The following PRUNE2 variants were observed in gnomAD, a reference collection of about 807,000 sequenced individuals.
PRUNE2 encodes prune homolog 2 with BCH domain, also known as protein prune homolog 2.
PRUNE2 carries 164 observed loss-of-function variants against 252.0 expected under a neutral mutation model. The ratio of observed to expected loss-of-function variants is 0.65; its 90% CI spans 0.57 to 0.74. PRUNE2 has a LOEUF of 0.74. PRUNE2 is among the 30% of genes least tolerant of loss of function. The probability of loss-of-function intolerance (pLI) is 0.00; values close to 1 mark genes in which losing one functional copy is unlikely to be tolerated. For missense variants in PRUNE2, 3,495 were observed against 3,711.0 expected (o/e 0.94, Z 1.51); for synonymous variants, 1,292 against 1,350.2 (o/e 0.96, Z 0.94).
Position 76,709,375 on chromosome 9 carries a change from A to C in PRUNE2, c.2899T>G (p.Tyr967Asp), listed in dbSNP as rs773513919. Reference sequence around the variant, plus strand: ...GATGTGTAAGAGTCTGAGGTGGAATAATTGGTATCTAAGGGGGAAGGCACC... The same window carrying C: ...GATGTGTAAGAGTCTGAGGTGGAATCATTGGTATCTAAGGGGGAAGGCACC... ...DSVPSPLDTN[Y>D]STSDSYTSPT... The change falls in exon 8 of 19, where the codon TAT becomes GAT. Residue 967 changes from tyrosine (Y) to aspartate (D), a missense_variant. Transcript: ENST00000376718. The C allele has an allele frequency of 3.1e-6, 5 of 1,613,924 alleles. No individual in the cohort carries two copies. The South Asian group carries it at 5.5e-5, about 18-fold the overall frequency.
In PRUNE2 at chr9:76,822,800, C is replaced by T. The variant is rs1233344580; in HGVS notation, c.756+832G>A. ...CCAGCCTGGGTGACAGAGCAAGACTCCACCTCAAAGAAAAAGAAAAAAAAA... is the reference window on the plus strand; with the variant it reads ...CCAGCCTGGGTGACAGAGCAAGACTTCACCTCAAAGAAAAAGAAAAAAAAA... On this transcript the variant is annotated intron_variant, in intron 6 of 18. Coordinates refer to ENST00000376718, the MANE Select transcript of PRUNE2 (RefSeq NM_015225.3). Among the ~76,000 whole-genome samples the T allele has an allele frequency of 3.4e-5, 5 of 147,682 alleles. No homozygotes were observed. In the Admixed American group the frequency reaches 3.5e-4, roughly 10 times the overall value.
At position 76,660,861 on chromosome 9, in the gene PRUNE2, T is replaced by C. The variant is rs1342514837; in HGVS notation, c.8277-5359A>G. On this transcript the variant is annotated intron_variant, in intron 9 of 18. Transcript: ENST00000376718. Reference sequence around the variant, plus strand: ...GTAGTGCTTACTTCTACAAGCAAGTTTCACTGGAAATCCAATTAGGTGCAA... The same window carrying C: ...GTAGTGCTTACTTCTACAAGCAAGTCTCACTGGAAATCCAATTAGGTGCAA... Among the ~76,000 whole-genome samples, 3 of 151,572 alleles carry C rather than the reference T, an allele frequency of 2.0e-5. No individual in the cohort carries two copies. In the East Asian group the frequency reaches 5.8e-4, roughly 29 times the overall value.
At chr9:76,794,570 G>A (rs1004847417) in intron 6 of PRUNE2, among the ~76,000 whole-genome samples, 22 of 144,818 alleles carry the variant, frequency 1.5e-4, no homozygotes, top group African/African-American at 4.7e-4. Context: ...AGCCCAGATC[G>A]CACCACTGCA....
In PRUNE2 at chr9:76,707,190, TCAC is replaced by T. The variant is rs2046372953; in HGVS notation, c.5081_5083del (p.Gly1694del). 2 of 1,614,000 alleles carry T rather than the reference TCAC, an allele frequency of 1.2e-6. No individual in the cohort carries two copies. Among genetic ancestry groups the T allele is most frequent in the South Asian group, 2.2e-5 (2 of 91,086 alleles). On this transcript the variant is annotated inframe_deletion, in exon 8 of 19. Coordinates refer to ENST00000376718, the MANE Select transcript of PRUNE2 (RefSeq NM_015225.3). ...CTGGATCTCTTCCTCTATTGACTCT[TCAC>T]CACCGACACTGTCATCATCAGAACC...
intron 6 of PRUNE2, among the ~76,000 whole-genome samples, chr9:76,726,598 G>A (rs12338534): frequency 0.011 from 1,723 of 152,292 alleles, 31 homozygotes; most frequent in African/African-American, 0.039. Context: ...TTAAAAAGAG[G>A]AGTGATAAAT....
intron 6 of PRUNE2, chr9:76,788,329 C>G (rs2055216292): frequency 1.5e-6 from 1 of 671,938 alleles, no homozygotes; most frequent in Non-Finnish European, 2.8e-6. Flanking sequence ...AGAGTTACCA[C>G]AAGTAAATGA....
At chr9:76,680,645 C>T (rs976041001) in intron 9 of PRUNE2, among the ~76,000 whole-genome samples, 7 of 152,140 alleles carry the variant, frequency 4.6e-5, no homozygotes, top group Non-Finnish European at 4.4e-5. Flanking sequence ...GCAACTCAAG[C>T]GCCCATTAAT....
At chr9:76,851,538 ACT>A (rs1245793601) in intron 2 of PRUNE2, among the ~76,000 whole-genome samples, 1 of 139,014 alleles carries the variant, frequency 7.2e-6, no homozygotes, top group Non-Finnish European at 1.5e-5. Flanking sequence ...ACAGAGCAAG[ACT>A]CTGTCTCGGA....
chr9:76,689,405 G>A (rs528921002), intron 9 of PRUNE2, among the ~76,000 whole-genome samples: 1 of 152,220 alleles, frequency 6.6e-6, no homozygotes, highest in African/African-American at 2.4e-5. Flanking sequence ...ACCCAGGCTG[G>A]AGTGCAGTGG....
intron 1 of PRUNE2, among the ~76,000 whole-genome samples, chr9:76,855,952 A>G (rs955881172): frequency 4.6e-5 from 7 of 152,336 alleles, no homozygotes; most frequent in African/African-American, 1.4e-4. Flanking sequence ...CAACACAGTC[A>G]AATATTCTAG....
In PRUNE2 at chr9:76,846,505, C is replaced by A; in HGVS notation, c.508+10G>T. On this transcript the variant is annotated intron_variant, in intron 4 of 18. Transcript: ENST00000376718. ...CCTTCCAGTATTTAATAGGAAGAGC[C>A]ATCTCTCACCTCTGAGGCGATGAGC... 6.2e-7 allele frequency: 1 copy of A among 1,607,292 alleles called. No homozygotes were observed. Among genetic ancestry groups the A allele is most frequent in the South Asian group, 1.1e-5 (1 of 90,710 alleles).
intron 11 of PRUNE2, among the ~76,000 whole-genome samples, chr9:76,646,037 T>C (rs7867080): frequency 0.017 from 2,557 of 152,298 alleles, 69 homozygotes; most frequent in African/African-American, 0.056. Context: ...TAAACAAATA[T>C]AGTCAAAACC....
At chr9:76,701,521 C>T (rs1435333248) in intron 9 of PRUNE2, among the ~76,000 whole-genome samples, 1 of 152,178 alleles carries the variant, frequency 6.6e-6, no homozygotes, top group Non-Finnish European at 1.5e-5. Flanking sequence ...TCAGCCAACT[C>T]ATGGCTGCCT....
intron 4 of PRUNE2, among the ~76,000 whole-genome samples, chr9:76,830,134 T>C (rs1231687259): frequency 6.6e-6 from 1 of 152,094 alleles, no homozygotes; most frequent in African/African-American, 2.4e-5. Context: ...ATTAGTGAAT[T>C]AGAAAATAGG....
chr9:76,875,251 C>A (rs984874318), intron 1 of PRUNE2, among the ~76,000 whole-genome samples: 8 of 152,226 alleles, frequency 5.3e-5, no homozygotes, highest in Non-Finnish European at 7.3e-5. Context: ...CCTCCCCACC[C>A]ATACCACCTT....
intron 1 of PRUNE2, among the ~76,000 whole-genome samples, chr9:76,889,399 C>T (rs1304939822): frequency 6.6e-6 from 1 of 151,806 alleles, no homozygotes; most frequent in African/African-American, 2.4e-5. Context: ...TGGCTCACTA[C>T]AACCTCGACC....
intron 1 of PRUNE2, among the ~76,000 whole-genome samples, chr9:76,863,554 G>A (rs1293071066): frequency 2.0e-5 from 3 of 152,118 alleles, no homozygotes; most frequent in African/African-American, 7.2e-5. Flanking sequence ...CTGGCCTTGG[G>A]CATTATGGAA....
In PRUNE2 at chr9:76,613,249, G is replaced by A. The variant is rs1381737202; in HGVS notation, c.*1321C>T. The A allele has an allele frequency of 2.6e-5, 4 of 152,198 alleles. No homozygotes were observed. Among genetic ancestry groups the A allele is most frequent in the Non-Finnish European group, 4.4e-5 (3 of 68,030 alleles). The allele number at this position is 152,198 out of a possible 1,614,324, so 9.4% of individuals were successfully genotyped here. A position where few individuals can be genotyped will look rare whatever the true frequency, so the allele number is the denominator to read the frequency against. On this transcript the variant is annotated 3_prime_UTR_variant, in exon 19 of 19. Transcript: ENST00000376718. ...CTATCTAAATACAAATTGGGGTGGA[G>A]TAGGAAAGGATGCGTTTGCTAGAGC...
At chr9:76,642,669 C>T (rs1037076590) in intron 12 of PRUNE2, among the ~76,000 whole-genome samples, 2 of 152,230 alleles carry the variant, frequency 1.3e-5, no homozygotes, top group African/African-American at 4.8e-5. Context: ...AGGACAAACT[C>T]AGTAGGTTGG....
Sources: gnomAD v4.1 joint callset for allele counts (sites outside exome capture counted in the v4.1 genomes callset) on GRCh38, gnomAD v4.1.1 for gene constraint, MANE v1.5 for transcripts, NCBI Gene and HGNC (gene_info 2026-07-23, HGNC 2026-07-21) for gene names.